Variants in NRG1 observed in about 807,000 individuals in gnomAD.
NRG1 encodes pro-neuregulin-1, membrane-bound isoform.
A neutral mutation model predicts 63.8 loss-of-function variants in NRG1; 18 were observed. The observed-to-expected ratio is 0.28, with a 90% CI of 0.19 to 0.42. The LOEUF is 0.42. NRG1 is among the 10% of genes least tolerant of loss of function. NRG1 has a pLI of 1.00. For synonymous variants in NRG1, 302 were observed against 301.3 expected (o/e 1.00, Z -0.02); for missense variants, 762 against 814.7 (o/e 0.94, Z 0.79).
intron 1 of NRG1, among the ~76,000 whole-genome samples, chr8:31,911,517 A>T (rs1276926199): frequency 1.3e-5 from 2 of 152,152 alleles, no homozygotes; most frequent in African/African-American, 2.4e-5. Context: ...TCTCACTTAT[A>T]AGTGGGAGCG....
At chr8:31,997,577 G>T in intron 1 of NRG1, among the ~76,000 whole-genome samples, 1 of 151,908 alleles carries the variant, frequency 6.6e-6, no homozygotes, top group Non-Finnish European at 1.5e-5. Context: ...TGAGAATATT[G>T]ATGCTCAAGG....
intron 5 of NRG1, among the ~76,000 whole-genome samples, chr8:32,677,649 C>T (rs376886003): frequency 3.6e-4 from 54 of 151,838 alleles, no homozygotes; most frequent in African/African-American, 1.2e-3. Flanking sequence ...AGAGCCAGAC[C>T]CTGTCTCAAA....
chr8:31,892,927 A>G (rs1831266388), intron 1 of NRG1, among the ~76,000 whole-genome samples: 1 of 152,038 alleles, frequency 6.6e-6, no homozygotes, highest in African/African-American at 2.4e-5. Flanking sequence ...ATAAATGTAT[A>G]AAACAGCTAA....
At chr8:32,354,793 CTT>C (rs10569341) in intron 1 of NRG1, among the ~76,000 whole-genome samples, 38,629 of 141,420 alleles carry the variant, frequency 0.27, 5,472 homozygotes, top group South Asian at 0.35. Context: ...AATGAAGCTG[CTT>C]TTTTTAAAAA....
intron 10 of NRG1, among the ~76,000 whole-genome samples, 188 bp from the exon 11 acceptor site, chr8:32,760,012 T>C (rs529794471): frequency 1.3e-4 from 20 of 152,350 alleles, no homozygotes; most frequent in African/African-American, 4.3e-4. Context: ...AAAGCCAATC[T>C]GAATCAAGAT....
intron 5 of NRG1, among the ~76,000 whole-genome samples, chr8:32,672,841 A>G (rs564688529): frequency 6.6e-6 from 1 of 152,298 alleles, no homozygotes; most frequent in South Asian, 2.1e-4. Flanking sequence ...GAATGTTGAG[A>G]AAAAAACCTG....
chr8:32,732,954 T>G (rs1419946322), intron 6 of NRG1, among the ~76,000 whole-genome samples: 1 of 151,920 alleles, frequency 6.6e-6, no homozygotes, highest in African/African-American at 2.4e-5. Context: ...ATTACAGACA[T>G]GCACCACCAT....
intron 4 of NRG1, 44 bp downstream of exon 4, chr8:32,614,608 A>G (rs371700537): frequency 2.5e-6 from 4 of 1,582,276 alleles, no homozygotes; most frequent in Admixed American, 1.7e-5. Flanking sequence ...CAGAATGACA[A>G]CCATAACTGC....
chr8:32,290,749 G>A (rs1204036087), intron 1 of NRG1, among the ~76,000 whole-genome samples: 1 of 152,110 alleles, frequency 6.6e-6, no homozygotes. Context: ...TATATTTGCT[G>A]CAAACTCTTT....
intron 1 of NRG1, among the ~76,000 whole-genome samples, chr8:32,242,414 C>A (rs1277075364): frequency 6.6e-6 from 1 of 152,122 alleles, no homozygotes; most frequent in African/African-American, 2.4e-5. Flanking sequence ...GCGGAGGTTG[C>A]AGTGAGCCGA....
At chr8:32,027,819 A>C (rs1015124092) in intron 1 of NRG1, among the ~76,000 whole-genome samples, 2 of 152,126 alleles carry the variant, frequency 1.3e-5, no homozygotes, top group Non-Finnish European at 2.9e-5. Context: ...AATACTATAA[A>C]TGAATAATTT....
chr8:32,055,707 TACTC>T (rs996166444), intron 1 of NRG1, among the ~76,000 whole-genome samples: 57 of 143,716 alleles, frequency 4.0e-4, no homozygotes, highest in African/African-American at 1.4e-3. Flanking sequence ...GCTGTGTTCT[TACTC>T]ACCACTTTAA....
chr8:31,671,370 G>A (rs1360028854), intron 1 of NRG1, among the ~76,000 whole-genome samples: 1 of 152,146 alleles, frequency 6.6e-6, no homozygotes, highest in African/African-American at 2.4e-5. Flanking sequence ...TGTTTTTAAA[G>A]TATCTGTTTC....
intron 1 of NRG1, among the ~76,000 whole-genome samples, chr8:32,034,167 T>G (rs1171379282): frequency 6.6e-6 from 1 of 152,214 alleles, no homozygotes; most frequent in East Asian, 1.9e-4. Context: ...GAAGGGATGT[T>G]GAATTTTATT....
At chr8:32,042,702 G>A (rs1820265113) in intron 1 of NRG1, among the ~76,000 whole-genome samples, 1 of 151,764 alleles carries the variant, frequency 6.6e-6, no homozygotes, top group Admixed American at 6.6e-5. Flanking sequence ...AGAAATAAAA[G>A]AAATACAGAC....
At chr8:32,666,489 AG>A (rs1000080961) in intron 5 of NRG1, among the ~76,000 whole-genome samples, 68 of 152,212 alleles carry the variant, frequency 4.5e-4, no homozygotes, top group African/African-American at 1.4e-3. Context: ...ATTTTTCAAG[AG>A]GGGGAAAAAA....
At chr8:31,762,295 G>T (rs1817640100) in intron 1 of NRG1, among the ~76,000 whole-genome samples, 1 of 152,160 alleles carries the variant, frequency 6.6e-6, no homozygotes, top group African/African-American at 2.4e-5. Flanking sequence ...AACATGTGGT[G>T]TCTGGTTTTC....
chr8:32,325,781 A>T (rs1435314383), intron 1 of NRG1, among the ~76,000 whole-genome samples: 3 of 152,246 alleles, frequency 2.0e-5, no homozygotes, highest in Non-Finnish European at 4.4e-5. Flanking sequence ...AGGTGATATC[A>T]AAGGTTCCTT....
intron 1 of NRG1, among the ~76,000 whole-genome samples, chr8:32,034,493 C>G (rs1202098912): frequency 6.6e-6 from 1 of 152,046 alleles, no homozygotes; most frequent in Non-Finnish European, 1.5e-5. Context: ...GTCCCTCTTT[C>G]AATTGTTTGG....
Sources: allele counts gnomAD v4.1 joint callset (sites outside exome capture counted in the v4.1 genomes callset), GRCh38; gene constraint gnomAD v4.1.1; transcripts MANE v1.5; gene names NCBI Gene and HGNC (gene_info 2026-07-23, HGNC 2026-07-21).